CPLX2: variants seen among roughly 807,000 people sequenced by gnomAD.
The protein encoded by CPLX2 is complexin-2.
CPLX2 carries 5 observed loss-of-function variants against 16.3 expected under a neutral mutation model. The observed-to-expected ratio is 0.31, with a 90% CI of 0.16 to 0.64. The LOEUF is 0.64. CPLX2 is among the 30% of genes least tolerant of loss of function. The pLI is 0.79. For synonymous variants in CPLX2, 89 were observed against 73.2 expected (o/e 1.22, Z -1.10); for missense variants, 144 against 181.4 (o/e 0.79, Z 1.18).
chr5:175,851,748 G>A (rs747384991), intron 2 of CPLX2, among the ~76,000 whole-genome samples: 5 of 152,220 alleles, frequency 3.3e-5, no homozygotes, highest in Admixed American at 6.5e-5. Flanking sequence ...TTTAGGAGGT[G>A]GTTATTGCTG....
chr5:175,837,762 C>G (rs1350158180), intron 2 of CPLX2: 2 of 152,304 alleles, frequency 1.3e-5, no homozygotes, highest in Non-Finnish European at 2.9e-5. Flanking sequence ...AACCCCCACC[C>G]CCTCTGAGCC....
intron 2 of CPLX2, among the ~76,000 whole-genome samples, chr5:175,827,696 G>A (rs1267016868): frequency 6.6e-6 from 1 of 152,164 alleles, no homozygotes; most frequent in Non-Finnish European, 1.5e-5. Context: ...GGAGGCAGAG[G>A]TTGCAGTGAG....
At chr5:175,825,215 T>C (rs1455523658) in intron 2 of CPLX2, among the ~76,000 whole-genome samples, 6 of 151,764 alleles carry the variant, frequency 4.0e-5, no homozygotes, top group Non-Finnish European at 8.8e-5. Context: ...GCCAACATGG[T>C]AAACCCTGTC....
intron 2 of CPLX2, among the ~76,000 whole-genome samples, chr5:175,818,476 C>CTA (rs1758448137): frequency 6.6e-6 from 1 of 151,956 alleles, no homozygotes; most frequent in South Asian, 2.1e-4. Flanking sequence ...AATTACTGAA[C>CTA]TATAACCTAT....
rs541749086 is a variant in CPLX2 at position 175,845,266 on chromosome 5, T to C, written c.-88-33386T>C. Among the ~76,000 whole-genome samples the C allele has an allele frequency of 6.6e-6, 1 of 152,304 alleles. No individual in the cohort carries two copies. Among genetic ancestry groups the C allele is most frequent in the African/African-American group, 2.4e-5 (1 of 41,564 alleles). On this transcript the variant is annotated intron_variant, in intron 2 of 4. Coordinates refer to the CPLX2 transcript ENST00000359546. This position sits in a 1 kb window ranked among gnomAD's most constrained non-coding sequence, Gnocchi z 4.0. The stretch of plus-strand genomic sequence containing the variant: ...TCCTGTACTTACAACCCTACAAGGA[T>C]CCACTATTCTTGGACTAAAACCCAC...
At chr5:175,815,656 A>T (rs1758394520) in intron 2 of CPLX2, among the ~76,000 whole-genome samples, 1 of 152,168 alleles carries the variant, frequency 6.6e-6, no homozygotes, top group South Asian at 2.1e-4. Context: ...TGACCATGGG[A>T]ACTAACTTCT....
chr5:175,808,889 G>A (rs967047243), intron 1 of CPLX2: 2 of 152,238 alleles, frequency 1.3e-5, no homozygotes, highest in African/African-American at 4.8e-5. Flanking sequence ...GAGAAGTGAG[G>A]GCATGCCTTC....
At chr5:175,836,133 G>C (rs560401617) in intron 2 of CPLX2, among the ~76,000 whole-genome samples, 1 of 152,086 alleles carries the variant, frequency 6.6e-6, no homozygotes, top group Non-Finnish European at 1.5e-5. Flanking sequence ...GGCAGATCAC[G>C]AGGTCAGGAG....
chr5:175,850,888 A>T (rs1400438520), intron 2 of CPLX2, among the ~76,000 whole-genome samples: 1 of 151,896 alleles, frequency 6.6e-6, no homozygotes, highest in Admixed American at 6.6e-5. Flanking sequence ...GCAGAGACAC[A>T]ACTAGGAGGC....
intron 2 of CPLX2, among the ~76,000 whole-genome samples, chr5:175,835,166 A>G (rs1184931183): frequency 1.3e-5 from 2 of 152,246 alleles, no homozygotes; most frequent in Non-Finnish European, 2.9e-5. Context: ...TGAAAAAGTA[A>G]AAACTGCCAC....
At chr5:175,831,898 C>T (rs1340708347) in intron 2 of CPLX2, among the ~76,000 whole-genome samples, 1 of 152,182 alleles carries the variant, frequency 6.6e-6, no homozygotes, top group Non-Finnish European at 1.5e-5. Context: ...GTATGTCAGA[C>T]ATTGAAAGAG....
intron 2 of CPLX2, among the ~76,000 whole-genome samples, chr5:175,813,087 T>G (rs994677736): frequency 3.9e-5 from 6 of 152,116 alleles, no homozygotes; most frequent in African/African-American, 9.7e-5. Flanking sequence ...CTCTGGTACC[T>G]CCCAGAGGCT....
chr5:175,872,616 G>A lies in CPLX2; in HGVS notation c.-89+911G>A, dbSNP rs1220216772. ...CCCCGGCCACTTCCGCTTTTCAGCC[G>A]GAGTCGGCTCCCTACCTCCTCCCAT... On this transcript the variant is annotated intron_variant, in intron 1 of 3. Coordinates refer to ENST00000393745, the MANE Select transcript of CPLX2 (RefSeq NM_001008220.2). This position sits in a 1 kb window ranked among gnomAD's most constrained non-coding sequence, Gnocchi z 5.0. 3.3e-5 allele frequency among the ~76,000 whole-genome samples: 5 copies of A among 152,124 alleles called. No individual in the cohort carries two copies. The highest frequency in any genetic ancestry group is 9.6e-5 in the African/African-American group (4 of 41,454).
chr5:175,858,284 A>G (rs576769803), intron 2 of CPLX2, among the ~76,000 whole-genome samples: 4 of 152,346 alleles, frequency 2.6e-5, no homozygotes, highest in African/African-American at 9.6e-5. Flanking sequence ...GGACATGACC[A>G]GAGCACAACC....
chr5:175,822,404 T>C (rs1758528770), intron 2 of CPLX2, among the ~76,000 whole-genome samples: 1 of 152,190 alleles, frequency 6.6e-6, no homozygotes, highest in Non-Finnish European at 1.5e-5. Context: ...CTTCATTTCA[T>C]CATCTGGAAA....
chr5:175,836,905 T>C (rs1758849790), intron 2 of CPLX2, among the ~76,000 whole-genome samples: 1 of 152,066 alleles, frequency 6.6e-6, no homozygotes, highest in South Asian at 2.1e-4. Flanking sequence ...AGGCCCAGAG[T>C]GCAGGCAGTG....
chr5:175,871,860 G>A (rs963615223), intron 1 of CPLX2, 155 bp downstream of exon 1: 1 of 152,400 alleles, frequency 6.6e-6, no homozygotes, highest in Admixed American at 6.5e-5. Context: ...GATGGGGACT[G>A]AGAGGCGGTA....
chr5:175,813,559 T>C (rs2113636064), intron 2 of CPLX2, among the ~76,000 whole-genome samples: 1 of 152,250 alleles, frequency 6.6e-6, no homozygotes, highest in Non-Finnish European at 1.5e-5. Context: ...TCTGGAACAG[T>C]GTGGGGTGGG....
chr5:175,855,354 G>A (rs1427700364), intron 2 of CPLX2, among the ~76,000 whole-genome samples: 1 of 152,192 alleles, frequency 6.6e-6, no homozygotes, highest in African/African-American at 2.4e-5. Flanking sequence ...TGATCACAAT[G>A]TCAGTACCCC....
Sources: gnomAD v4.1 joint callset for allele counts (sites outside exome capture counted in the v4.1 genomes callset) on GRCh38, gnomAD v4.1.1 for gene constraint, Gnocchi (gnomAD v3.1) non-coding constraint, MANE v1.5 for transcripts, NCBI Gene and HGNC (gene_info 2026-07-23, HGNC 2026-07-21) for gene names.